Variants in HEATR4 observed in about 807,000 individuals in gnomAD.
The protein encoded by HEATR4 is HEAT repeat containing 4.
Under a neutral mutation model 108.8 loss-of-function variants are expected in HEATR4, and 95 were observed. The observed-to-expected ratio is 0.87, with a 90% CI of 0.74 to 1.04. The LOEUF (loss-of-function observed/expected upper bound fraction) is 1.04, where lower values mean the gene tolerates loss of function less well. Ranked by LOEUF, HEATR4 falls within the 50% of genes least tolerant of loss-of-function variation. The pLI, the probability that HEATR4 is intolerant of heterozygous loss-of-function variation, is 0.00. For missense variants in HEATR4, 1,152 were observed against 1,253.8 expected (o/e 0.92, Z 1.23); for synonymous variants, 443 against 459.4 (o/e 0.96, Z 0.46).
the HEATR4 span, among the ~76,000 whole-genome samples, chr14:73,591,049 C>G: frequency 2.6e-5 from 4 of 151,902 alleles, no homozygotes; most frequent in South Asian, 8.3e-4. Context: ...TCGAGACCAG[C>G]CTGGGAAACA....
chr14:73,566,286 A>G, the HEATR4 span, among the ~76,000 whole-genome samples: 6 of 151,766 alleles, frequency 4.0e-5, no homozygotes, highest in Non-Finnish European at 8.9e-5. Flanking sequence ...TGGATCGTGC[A>G]CTGGGGCTGC....
chr14:73,483,318 T>C (rs1443540421), intron 17 of HEATR4, among the ~76,000 whole-genome samples: 2 of 152,220 alleles, frequency 1.3e-5, no homozygotes, highest in Non-Finnish European at 2.9e-5. Context: ...CTTCATTTTT[T>C]ACATCAGGTG....
At position 73,544,659 on chromosome 14, in the gene HEATR4, T is replaced by G. The variant is rs1385930003; in HGVS notation, c.-152+14092A>C. ...GTGAAATTCAATAACAATTTAGGCT[T>G]GGCATGGTGGCTCACACTTGTAATG... On this transcript the variant is annotated intron_variant, in intron 1 of 17. Transcript: ENST00000553558. Among the ~76,000 whole-genome samples, 3 of 114,838 alleles carry G rather than the reference T, an allele frequency of 2.6e-5. 1 individual carries two copies. Among genetic ancestry groups the G allele is most frequent in the Non-Finnish European group, 5.7e-5 (3 of 52,686 alleles). 75.3% of individuals were successfully genotyped at this position (114,838 alleles called of 152,430 possible). A position where few individuals can be genotyped will look rare whatever the true frequency, so the allele number is the denominator to read the frequency against.
At chr14:73,500,142 A>G (rs1886350994) in intron 12 of HEATR4, among the ~76,000 whole-genome samples, 1 of 152,150 alleles carries the variant, frequency 6.6e-6, no homozygotes, top group Non-Finnish European at 1.5e-5. Context: ...AGGCAGGAGA[A>G]TGGCGTGAAC....
chr14:73,524,629 A>G (rs1369521749), intron 2 of HEATR4, among the ~76,000 whole-genome samples: 1 of 149,970 alleles, frequency 6.7e-6, no homozygotes, highest in East Asian at 1.9e-4. Flanking sequence ...TTCAGATCAC[A>G]TAGCCCGTAA....
At chr14:73,565,900 A>C in the HEATR4 span, among the ~76,000 whole-genome samples, 1 of 152,072 alleles carries the variant, frequency 6.6e-6, no homozygotes, top group Non-Finnish European at 1.5e-5. Flanking sequence ...TGGCTAGGGC[A>C]GCCTGCTTTT....
intron 10 of HEATR4, among the ~76,000 whole-genome samples, chr14:73,504,244 A>ATTT (rs537467265): frequency 7.6e-6 from 1 of 131,300 alleles, no homozygotes. Context: ...AGCCTGGCTA[A>ATTT]TTTTTTTTTT....
chr14:73,619,869 TAAA>T, the HEATR4 span: 1 of 1,528,544 alleles, frequency 6.5e-7, no homozygotes, highest in African/African-American at 1.4e-5. Context: ...ATACCATTAA[TAAA>T]AATCCTATTC....
the HEATR4 span, among the ~76,000 whole-genome samples, chr14:73,598,569 C>T: frequency 6.6e-6 from 1 of 151,740 alleles, no homozygotes; most frequent in East Asian, 1.9e-4. Flanking sequence ...GCTTGAGCCA[C>T]TATGTAAGAA....
chr14:73,628,206 A>G, the HEATR4 span, among the ~76,000 whole-genome samples: 4 of 152,208 alleles, frequency 2.6e-5, no homozygotes, highest in Non-Finnish European at 5.9e-5. Flanking sequence ...TTAGCACACA[A>G]AAGACAACAC....
chr14:73,509,095 A>G (rs1415398787), intron 8 of HEATR4, among the ~76,000 whole-genome samples: 2 of 152,080 alleles, frequency 1.3e-5, no homozygotes, highest in African/African-American at 2.4e-5. Flanking sequence ...TAGAACTCCT[A>G]TGCTCAGGTG....
intron 5 of HEATR4, among the ~76,000 whole-genome samples, chr14:73,516,614 A>G (rs2140288766): frequency 6.6e-6 from 1 of 152,198 alleles, no homozygotes; most frequent in Non-Finnish European, 1.5e-5. Context: ...TTCCACATCA[A>G]CAGTCATCTA....
the HEATR4 span, among the ~76,000 whole-genome samples, chr14:73,573,064 G>A: frequency 2.6e-5 from 4 of 151,674 alleles, no homozygotes; most frequent in Non-Finnish European, 5.9e-5. Context: ...CGTTGAGTAA[G>A]TGCATTCTGT....
At chr14:73,511,955 A>T (rs927262167) in intron 7 of HEATR4, 51 bp downstream of exon 7, 4 of 1,611,664 alleles carry the variant, frequency 2.5e-6, no homozygotes, top group Non-Finnish European at 3.4e-6. Flanking sequence ...CAGATGTTCC[A>T]TGGCTTTATG....
rs1295606185 is a variant in HEATR4, at chr14:73,532,624, A to C, written c.-151-2380T>G. On this transcript the variant is annotated intron_variant, in intron 1 of 17. Transcript: ENST00000553558. ...CAAGCTGCACTCAGATGGTTGGACC[A>C]CCATAAAAGAGCGAGAGGGTACGTT... Among the ~76,000 whole-genome samples, 14 of 115,388 alleles carry C rather than the reference A, an allele frequency of 1.2e-4. 6 individuals carry two copies. The East Asian group carries it at 4.1e-3, about 34-fold the overall frequency. 75.7% of individuals were successfully genotyped at this position (115,388 alleles called of 152,430 possible).
chr14:73,603,620 A>G, the HEATR4 span, among the ~76,000 whole-genome samples: 13 of 151,972 alleles, frequency 8.6e-5, 1 homozygote, highest in African/African-American at 2.9e-4. Flanking sequence ...CCCATATTTT[A>G]CTAATAATCT....
At chr14:73,509,588 G>T in intron 7 of HEATR4, 115 bp from the exon 8 acceptor site, 2 of 982,328 alleles carry the variant, frequency 2.0e-6, no homozygotes, top group Non-Finnish European at 3.1e-6. Context: ...GTTGCTTAGT[G>T]CTATGTAATA....
rs150694800 is a variant in HEATR4 at position 73,553,813 on chromosome 14, T to C, written c.-152+4938A>G. Among the ~76,000 whole-genome samples, 6 of 113,600 alleles carry C rather than the reference T, an allele frequency of 5.3e-5. 1 individual carries two copies. In the East Asian group the frequency reaches 4.3e-3, roughly 82 times the overall value. The allele number at this position is 113,600 out of a possible 152,430, so 74.5% of individuals were successfully genotyped here. ...GCATGCCCCGCTAAGGCCATTGTTT[T>C]GGACTAGGCTCTAGCACTAGGCCCC... On this transcript the variant is annotated intron_variant, in intron 1 of 17. Coordinates refer to ENST00000553558, the MANE Select transcript of HEATR4 (RefSeq NM_001220484.1).
chr14:73,514,559 G>A (rs60475390), intron 5 of HEATR4, among the ~76,000 whole-genome samples: 3,617 of 152,286 alleles, frequency 0.024, 153 homozygotes, highest in African/African-American at 0.083. Flanking sequence ...ATGTTTATAT[G>A]TAACGAGATT....
Sources: allele counts gnomAD v4.1 joint callset (sites outside exome capture counted in the v4.1 genomes callset), GRCh38; gene constraint gnomAD v4.1.1; transcripts MANE v1.5; gene names NCBI Gene and HGNC (gene_info 2026-07-23, HGNC 2026-07-21).